Variants in CDK14 observed in about 807,000 individuals in gnomAD.
The protein encoded by CDK14 is cyclin dependent kinase 14, also known as cyclin-dependent kinase 14.
CDK14 carries 34 observed loss-of-function variants against 60.7 expected under a neutral mutation model. That is an observed-to-expected ratio of 0.56 (90% CI 0.43 to 0.75). The LOEUF is 0.75. Among genes scored for constraint, CDK14 ranks in the 30% least tolerant of loss-of-function variants. The pLI is 0.00. For missense variants in CDK14, 482 were observed against 564.1 expected (o/e 0.85, Z 1.47); for synonymous variants, 197 against 203.7 (o/e 0.97, Z 0.28).
chr7:90,952,525 A>G lies in CDK14; in HGVS notation c.827-3172A>G, dbSNP rs1794293971. Among the ~76,000 whole-genome samples the G allele has an allele frequency of 3.3e-5, 5 of 152,096 alleles. No individual in the cohort carries two copies. In the South Asian group the frequency reaches 1.0e-3, roughly 32 times the overall value. ...GGTCTTTCATTAGTTAGAAATGTCA[A>G]CACTGTAAAGTTGGATACACTGAAT... is the stretch of plus-strand genomic sequence containing the variant. On this transcript the variant is annotated intron_variant, in intron 8 of 14. Transcript: ENST00000380050.
chr7:90,917,807 C>A lies in CDK14; in HGVS notation c.826+83C>A, dbSNP rs1793126437. The A allele has an allele frequency of 3.7e-6, 5 of 1,338,060 alleles. No homozygotes were observed. The South Asian group carries it at 7.4e-5, about 20-fold the overall frequency. The allele number at this position is 1,338,060 out of a possible 1,614,324, so 82.9% of individuals were successfully genotyped here. ...TGGTGGCACTGCATTTGTTTAGGTG[C>A]ACTTCTTCTATCATCATAGATCCTG... On this transcript the variant is annotated intron_variant, in intron 8 of 14. Transcript: ENST00000380050.
At chr7:90,730,274 GT>G (rs1438960373) in intron 3 of CDK14, among the ~76,000 whole-genome samples, 4 of 152,122 alleles carry the variant, frequency 2.6e-5, no homozygotes, top group Non-Finnish European at 5.9e-5. Context: ...ATTTGGGTTG[GT>G]TTCAAGTCTT....
intron 2 of CDK14, among the ~76,000 whole-genome samples, chr7:90,664,837 C>T (rs994432417): frequency 6.6e-6 from 1 of 151,822 alleles, no homozygotes; most frequent in African/African-American, 2.4e-5. Context: ...ATACCTAATG[C>T]TAAATGACGA....
chr7:90,603,349 T>C (rs1584734856), intron 1 of CDK14, among the ~76,000 whole-genome samples: 2 of 152,334 alleles, frequency 1.3e-5, no homozygotes, highest in East Asian at 3.9e-4. Context: ...AAGTTTACAA[T>C]ACTGTATTTT....
intron 2 of CDK14, among the ~76,000 whole-genome samples, chr7:90,678,986 G>C (rs946628773): frequency 2.0e-5 from 3 of 152,172 alleles, no homozygotes; most frequent in African/African-American, 4.8e-5. Context: ...GTCTCACTCT[G>C]TTGCCTAGGC....
chr7:90,791,305 C>CT (rs921482393), intron 5 of CDK14, among the ~76,000 whole-genome samples: 5 of 151,308 alleles, frequency 3.3e-5, no homozygotes, highest in South Asian at 2.1e-4. Flanking sequence ...AATAAAATAT[C>CT]TTTTTTTTTA....
At chr7:90,887,255 T>G (rs1938718633) in intron 6 of CDK14, among the ~76,000 whole-genome samples, 1 of 152,188 alleles carries the variant, frequency 6.6e-6, no homozygotes, top group Admixed American at 6.5e-5. Flanking sequence ...AATGTTGGTG[T>G]GATCCTTTTC....
chr7:91,184,204 T>TAAAAAAA lies in CDK14; in HGVS notation c.*29-22946_*29-22940dup, dbSNP rs59565390. Among the ~76,000 whole-genome samples the TAAAAAAA allele has an allele frequency of 0.053, 1,930 of 36,634 alleles. 424 individuals carry two copies. The East Asian group carries it at 0.58, about 11-fold the overall frequency. The allele number at this position is 36,634 out of a possible 152,430, so 24.0% of individuals were successfully genotyped here. ...TGGGTGACAGAGTGAGGCTCCGTCT[T>TAAAAAAA]AAAAAAAAAAAAAAAAAAAAATTAG... On this transcript the variant is annotated intron_variant, in intron 14 of 14. Transcript: ENST00000380050.
At chr7:90,848,387 C>T (rs562902088) in intron 5 of CDK14, among the ~76,000 whole-genome samples, 70 of 152,262 alleles carry the variant, frequency 4.6e-4, no homozygotes, top group African/African-American at 1.6e-3. Flanking sequence ...TGGCCTGAGC[C>T]ACAGTGCCCA....
intron 4 of CDK14, among the ~76,000 whole-genome samples, chr7:90,772,947 G>C (rs892791787): frequency 6.6e-6 from 1 of 152,090 alleles, no homozygotes; most frequent in African/African-American, 2.4e-5. Context: ...ATTTAACTCT[G>C]AATAGTAAGA....
chr7:90,900,970 A>G (rs527936898), intron 7 of CDK14, among the ~76,000 whole-genome samples: 3 of 152,238 alleles, frequency 2.0e-5, no homozygotes, highest in Admixed American at 1.3e-4. Flanking sequence ...ACATTGATGA[A>G]TTTTGTCCCA....
At chr7:90,780,370 G>A (rs1412847515) in intron 4 of CDK14, among the ~76,000 whole-genome samples, 1 of 149,866 alleles carries the variant, frequency 6.7e-6, no homozygotes, top group East Asian at 2.0e-4. Context: ...GACCAATTAG[G>A]TTTTTTATTT....
chr7:90,637,848 T>G (rs1473970023), intron 2 of CDK14, among the ~76,000 whole-genome samples: 2 of 150,218 alleles, frequency 1.3e-5, no homozygotes, highest in Admixed American at 1.3e-4. Flanking sequence ...TTTAGGATAG[T>G]TAGCTGCTCT....
intron 3 of CDK14, among the ~76,000 whole-genome samples, chr7:90,740,147 T>TA (rs1334354163): frequency 1.3e-5 from 2 of 151,306 alleles, no homozygotes; most frequent in Non-Finnish European, 2.9e-5. Flanking sequence ...AAAAAAAACT[T>TA]ACACCCTCTC....
chr7:90,909,773 T>G (rs1303130230), intron 7 of CDK14, among the ~76,000 whole-genome samples: 1 of 152,034 alleles, frequency 6.6e-6, no homozygotes, highest in Non-Finnish European at 1.5e-5. Flanking sequence ...TTTGAGTTAT[T>G]TCTCTCCAGA....
At chr7:90,799,535 A>G (rs1178104430) in intron 5 of CDK14, among the ~76,000 whole-genome samples, 1 of 151,792 alleles carries the variant, frequency 6.6e-6, no homozygotes, top group Admixed American at 6.6e-5. Flanking sequence ...TAAAAATACA[A>G]AAAAATTAAC....
chr7:90,673,258 C>T (rs1801133118), intron 2 of CDK14, among the ~76,000 whole-genome samples: 1 of 152,142 alleles, frequency 6.6e-6, no homozygotes, highest in Non-Finnish European at 1.5e-5. Flanking sequence ...GTAGAGGAAA[C>T]AAACATATGG....
At chr7:90,808,173 C>A (rs947289283) in intron 5 of CDK14, among the ~76,000 whole-genome samples, 1 of 152,050 alleles carries the variant, frequency 6.6e-6, no homozygotes, top group Admixed American at 6.6e-5. Context: ...TCAGGTTCAC[C>A]AAAGTTGAAA....
intron 2 of CDK14, among the ~76,000 whole-genome samples, chr7:90,674,136 A>G (rs1014928339): frequency 6.6e-6 from 1 of 152,218 alleles, no homozygotes. Context: ...AGAAATTCTG[A>G]ATGAGTCTTA....
Sources: allele counts gnomAD v4.1 joint callset (sites outside exome capture counted in the v4.1 genomes callset), GRCh38; gene constraint gnomAD v4.1.1; transcripts MANE v1.5; gene names NCBI Gene and HGNC (gene_info 2026-07-23, HGNC 2026-07-21).